Variants in NCOR2 observed in about 807,000 individuals in gnomAD.
The protein encoded by NCOR2 is CTG repeat protein 26.
NCOR2 carries 81 observed loss-of-function variants against 262.9 expected under a neutral mutation model. That is an observed-to-expected ratio of 0.31 (90% CI 0.26 to 0.37). The LOEUF (loss-of-function observed/expected upper bound fraction) is 0.37, where lower values mean the gene tolerates loss of function less well. NCOR2 is among the 10% of genes least tolerant of loss of function. The pLI, the probability that NCOR2 is intolerant of heterozygous loss-of-function variation, is 1.00. For synonymous variants in NCOR2, 1,659 were observed against 1,559.3 expected (o/e 1.06, Z -1.51); for missense variants, 3,385 against 3,621.4 (o/e 0.93, Z 1.68).
intron 37 of NCOR2, 88 bp downstream of exon 39, chr12:124,339,918 C>G (rs2036307470): frequency 1.3e-6 from 1 of 789,608 alleles, no homozygotes; most frequent in Non-Finnish European, 1.9e-6. Flanking sequence ...TCCCATATAC[C>G]TCCCACCAAG....
intron 6 of NCOR2, among the ~76,000 whole-genome samples, chr12:124,452,506 C>A (rs1476464064): frequency 1.3e-5 from 2 of 152,216 alleles, no homozygotes; most frequent in East Asian, 3.8e-4. Context: ...TCAAAGAGGA[C>A]CTACTTCACG....
At chr12:124,379,497 G>A (rs537310772) in intron 17 of NCOR2, among the ~76,000 whole-genome samples, 1 of 152,356 alleles carries the variant, frequency 6.6e-6, no homozygotes, top group Non-Finnish European at 1.5e-5. Flanking sequence ...CATCGTGGAG[G>A]CAGCATCTCG....
chr12:124,422,001 GT>G (rs1223583367), intron 12 of NCOR2, among the ~76,000 whole-genome samples: 1 of 152,244 alleles, frequency 6.6e-6, no homozygotes, highest in Admixed American at 6.5e-5. Context: ...CACACGTCTG[GT>G]TTGGCATTAG....
chr12:124,426,990 G>A (rs2043587636), intron 10 of NCOR2, among the ~76,000 whole-genome samples, 190 bp from the exon 13 acceptor site: 1 of 152,238 alleles, frequency 6.6e-6, no homozygotes. Context: ...AGAATGTAAA[G>A]GCCTCCCCGA....
Position 124,509,235 on chromosome 12 carries a change from T to TGGGGGGG in NCOR2, c.-117-13874_-117-13868dup, listed in dbSNP as rs1555234131. On this transcript the variant is annotated intron_variant, in intron 1 of 46. Coordinates refer to the NCOR2 transcript ENST00000404621. ...CCAGCCAAAGTGGCACTGGCTTTGG[T>TGGGGGGG]GGGGGGGGGGGGGGCTTAACTCTGA... is the stretch of plus-strand genomic sequence containing the variant. 7.6e-4 allele frequency among the ~76,000 whole-genome samples: 42 copies of TGGGGGGG among 55,052 alleles called. 6 individuals carry two copies. Among genetic ancestry groups the TGGGGGGG allele is most frequent in the African/African-American group, 3.1e-3 (41 of 13,334 alleles). The allele number at this position is 55,052 out of a possible 152,430, so 36.1% of individuals were successfully genotyped here. A position where few individuals can be genotyped will look rare whatever the true frequency, so the allele number is the denominator to read the frequency against.
At chr12:124,334,871 C>A in intron 40 of NCOR2, 1 of 617,756 alleles carries the variant, frequency 1.6e-6, no homozygotes, top group Non-Finnish European at 2.8e-6. Flanking sequence ...GAAACCTGGG[C>A]CACCAGGAAG....
At chr12:124,347,836 G>T in exon 30 of NCOR2, 1 of 1,565,118 alleles carries the variant, frequency 6.4e-7, no homozygotes, top group Non-Finnish European at 8.7e-7. Context: ...TTGTGTGATG[G>T]ACCCGCGGAT....
At chr12:124,501,268 C>G (rs2048717629) in intron 1 of NCOR2, among the ~76,000 whole-genome samples, 1 of 152,104 alleles carries the variant, frequency 6.6e-6, no homozygotes, top group Admixed American at 6.5e-5. Flanking sequence ...CATACGGCCT[C>G]CCTCACCGCT....
At position 124,466,197 on chromosome 12, in the gene NCOR2, C is replaced by A. The variant is rs2136633320; in HGVS notation, c.681G>T (p.Val227=). Reference sequence around the variant, plus strand: ...CCCGGTTCTCGTCGTAGATGATCTGCACCAGGCTGCGGTGCTTCGACTCGA... The same window carrying A: ...CCCGGTTCTCGTCGTAGATGATCTGAACCAGGCTGCGGTGCTTCGACTCGA... Residue 227 remains valine, a synonymous_variant, in exon 5 of 47, where the codon GTG becomes GTT. Transcript: ENST00000405201. 6.2e-6 allele frequency: 10 copies of A among 1,610,382 alleles called. No individual in the cohort carries two copies. The South Asian group carries it at 1.1e-4, about 18-fold the overall frequency.
exon 46 of NCOR2, chr12:124,326,226 G>T: frequency 3.2e-6 from 5 of 1,540,352 alleles, no homozygotes; most frequent in Non-Finnish European, 3.5e-6. Flanking sequence ...CACGCGGTTG[G>T]TGAGCGGCGT....
At position 124,330,911 on chromosome 12, in the gene NCOR2, G is replaced by A. The variant is rs1158930438; in HGVS notation, c.6905-13C>T. The A allele has an allele frequency of 1.5e-5, 23 of 1,575,372 alleles. No homozygotes were observed. The highest frequency in any genetic ancestry group is 1.7e-4 in the Middle Eastern group (1 of 6,032). On this transcript the variant is annotated splice_polypyrimidine_tract_variant and intron_variant, in intron 43 of 46. Transcript: ENST00000405201. ...GGCTGGCTGATATCTGGAAGCGGGT[G>A]ACAGAGTGGGTGAGGCCCCCAGGTC...
chr12:124,535,651 G>A (rs889428612), upstream of NCOR2: 1 of 152,264 alleles, frequency 6.6e-6, no homozygotes, highest in African/African-American at 2.4e-5. Context: ...GACATCGCAT[G>A]TATGCAGTTT....
intron 1 of NCOR2, among the ~76,000 whole-genome samples, chr12:124,519,107 C>T (rs890674790): frequency 6.0e-5 from 9 of 150,750 alleles, no homozygotes; most frequent in African/African-American, 1.9e-4. Context: ...CACACACACA[C>T]ACACACACAC....
At chr12:124,332,229 G>A in intron 43 of NCOR2, 90 bp downstream of exon 45, 3 of 1,528,740 alleles carry the variant, frequency 2.0e-6, no homozygotes, top group Non-Finnish European at 2.7e-6. Context: ...TGCACCGTGG[G>A]TTTCTGCCAC....
upstream of NCOR2, among the ~76,000 whole-genome samples, chr12:124,496,657 G>C (rs1263430705): frequency 6.6e-6 from 1 of 152,200 alleles, no homozygotes; most frequent in Admixed American, 6.5e-5. The surrounding 1 kb of genome is among the most constrained non-coding windows in gnomAD (Gnocchi z 4.4). Context: ...GGCATTGGGA[G>C]GAAGGTTAAG....
At chr12:124,325,978 C>G (rs1169368839) in intron 46 of NCOR2, 1 of 519,272 alleles carries the variant, frequency 1.9e-6, no homozygotes, top group African/African-American at 2.0e-5. Context: ...GCCCCAACCA[C>G]ACCCTTTTCC....
rs1334274358 is a variant in NCOR2, at chr12:124,517,601, G to A, written c.-118+17964C>T. Among the ~76,000 whole-genome samples the A allele has an allele frequency of 1.3e-5, 2 of 152,184 alleles. No individual in the cohort carries two copies. Among genetic ancestry groups the A allele is most frequent in the African/African-American group, 2.4e-5 (1 of 41,460 alleles). ...GCCCACCGCGGAGCCCCAGGGCAGA[G>A]CCTCGGGAGCGCCCACGATCACATG... On this transcript the variant is annotated intron_variant, in intron 1 of 46. Transcript: ENST00000404621. The surrounding 1 kb of genome is among the most constrained non-coding windows in gnomAD (Gnocchi z 7.6).
chr12:124,344,466 G>A (rs993744420), intron 32 of NCOR2, 131 bp downstream of exon 34: 1 of 848,874 alleles, frequency 1.2e-6, no homozygotes, highest in Admixed American at 3.2e-5. Context: ...CGGGCCTGCA[G>A]GTGGTTTGGA....
Position 124,549,945 on chromosome 12 carries a change from G to A in NCOR2, c.-164-14334C>T, listed in dbSNP as rs575964014. Among the ~76,000 whole-genome samples the A allele has an allele frequency of 4.6e-5, 7 of 152,268 alleles. No homozygotes were observed. The highest frequency in any genetic ancestry group is 1.2e-4 in the African/African-American group (5 of 41,542). ...AATCTACATGCTGGGCGCAAGCTCC[G>A]AGGAAAACTCCTTCGCAGGACCTTT... On this transcript the variant is annotated intron_variant, in intron 1 of 32. Coordinates refer to the NCOR2 transcript ENST00000458234. The surrounding 1 kb of genome is among the most constrained non-coding windows in gnomAD (Gnocchi z 4.4).
Sources: gnomAD v4.1 joint callset for allele counts (sites outside exome capture counted in the v4.1 genomes callset) on GRCh38, gnomAD v4.1.1 for gene constraint, Gnocchi (gnomAD v3.1) non-coding constraint, MANE v1.5 for transcripts, NCBI Gene and HGNC (gene_info 2026-07-23, HGNC 2026-07-21) for gene names.